The following PCSK2 variants were observed in gnomAD, a reference collection of about 807,000 sequenced individuals.
PCSK2 encodes the protein neuroendocrine convertase 2.
PCSK2 carries 14 observed loss-of-function variants against 69.7 expected under a neutral mutation model. The observed-to-expected ratio is 0.20, with a 90% CI of 0.13 to 0.31. PCSK2 has a LOEUF of 0.31. PCSK2 is among the 10% of genes least tolerant of loss of function. The pLI is 1.00. For missense variants in PCSK2, 544 were observed against 842.5 expected (o/e 0.65, Z 4.39); for synonymous variants, 307 against 320.7 (o/e 0.96, Z 0.46).
intron 8 of PCSK2, among the ~76,000 whole-genome samples, chr20:17,447,781 A>G (rs2032729642): frequency 6.6e-6 from 1 of 152,260 alleles, no homozygotes; most frequent in African/African-American, 2.4e-5. Context: ...TGGCTATTTC[A>G]TAAAACTAAT....
At chr20:17,251,035 G>A (rs765727671) in intron 1 of PCSK2, among the ~76,000 whole-genome samples, 1 of 152,076 alleles carries the variant, frequency 6.6e-6, no homozygotes, top group African/African-American at 2.4e-5. Context: ...AAGAGGCGAA[G>A]GTTGCAGTGA....
rs926141514 is a variant in PCSK2, at chr20:17,260,176, G to A, written c.178-64G>A. 1.8e-5 allele frequency: 18 copies of A among 1,000,590 alleles called. No homozygotes were observed. In the African/African-American group the frequency reaches 2.2e-4, roughly 12 times the overall value. The allele number at this position is 1,000,590 out of a possible 1,614,324, so 62.0% of individuals were successfully genotyped here. ...GCCCCTGCAAGCAGCCCCAGCTTTG[G>A]TGTCCCTGTCCCTGGGCCAACCCCA... On this transcript the variant is annotated intron_variant, in intron 1 of 11. Coordinates refer to ENST00000262545, the MANE Select transcript of PCSK2 (RefSeq NM_002594.5).
At chr20:17,243,429 G>A (rs1280659591) in intron 1 of PCSK2, among the ~76,000 whole-genome samples, 1 of 151,678 alleles carries the variant, frequency 6.6e-6, no homozygotes, top group Non-Finnish European at 1.5e-5. Context: ...CAAACTCCTG[G>A]GCTCAAATGA....
At chr20:17,268,967 AG>A (rs1422266492) in intron 2 of PCSK2, among the ~76,000 whole-genome samples, 17 of 152,208 alleles carry the variant, frequency 1.1e-4, no homozygotes, top group African/African-American at 4.1e-4. Flanking sequence ...AGAGGAAGTG[AG>A]AAGGCAAAGG....
rs529412507 is a variant in PCSK2 at position 17,413,078 on chromosome 20, C to A, written c.620+3739C>A. On this transcript the variant is annotated intron_variant, in intron 6 of 11. Coordinates refer to ENST00000262545, the MANE Select transcript of PCSK2 (RefSeq NM_002594.5). ...ACCAGTACCAGCCACTGCAAAAACACCCCAAATTGCAAAGACCATCAATGC... is the reference window on the plus strand; with the variant it reads ...ACCAGTACCAGCCACTGCAAAAACAACCCAAATTGCAAAGACCATCAATGC... 2.6e-5 allele frequency among the ~76,000 whole-genome samples: 4 copies of A among 152,258 alleles called. No homozygotes were observed. In the South Asian group the frequency reaches 6.2e-4, roughly 24 times the overall value.
intron 5 of PCSK2, among the ~76,000 whole-genome samples, chr20:17,390,826 C>G (rs536981795): frequency 2.0e-5 from 3 of 152,246 alleles, no homozygotes; most frequent in South Asian, 2.1e-4. Context: ...TCTATACAAC[C>G]CACTCACTTT....
At chr20:17,443,342 G>A (rs537318555) in intron 8 of PCSK2, among the ~76,000 whole-genome samples, 1 of 152,186 alleles carries the variant, frequency 6.6e-6, no homozygotes, top group Non-Finnish European at 1.5e-5. Flanking sequence ...AGGATCGGGT[G>A]GCAGGAAAGT....
At chr20:17,456,294 G>A in intron 9 of PCSK2, 54 bp from the exon 10 acceptor site, 1 of 911,210 alleles carries the variant, frequency 1.1e-6, no homozygotes, top group South Asian at 1.3e-5. Flanking sequence ...ACATTGTGCG[G>A]GGGTTCAAAA....
intron 2 of PCSK2, among the ~76,000 whole-genome samples, chr20:17,308,161 A>G (rs563012131): frequency 2.2e-4 from 33 of 152,318 alleles, no homozygotes; most frequent in Non-Finnish European, 2.4e-4. Flanking sequence ...AGATCTCACA[A>G]GAACTCATTC....
chr20:17,229,669 G>A (rs1478895524), intron 1 of PCSK2, among the ~76,000 whole-genome samples: 18 of 151,908 alleles, frequency 1.2e-4, no homozygotes, highest in Admixed American at 1.2e-3. Flanking sequence ...CTCTCAGGTA[G>A]TACCCCACAA....
intron 5 of PCSK2, among the ~76,000 whole-genome samples, chr20:17,381,359 G>A (rs999351726): frequency 2.0e-5 from 3 of 152,240 alleles, no homozygotes; most frequent in African/African-American, 7.2e-5. Flanking sequence ...CTGCTAGGCA[G>A]AAGAATAAGA....
rs201007464 is a variant in PCSK2, at chr20:17,347,964, A to G, written c.283-10363A>G. On this transcript the variant is annotated intron_variant, in intron 2 of 11. Transcript: ENST00000262545. ...AGAAAGAAAGAAAGAAAGAAAGAGA[A>G]AGAAAGAAAGAAAGAAAGAGGAGAG... Among the ~76,000 whole-genome samples the G allele has an allele frequency of 4.3e-3, 98 of 22,974 alleles. 10 individuals carry two copies. The highest frequency in any genetic ancestry group is 0.021 in the East Asian group (4 of 194). 15.1% of individuals were successfully genotyped at this position (22,974 alleles called of 152,430 possible). A position where few individuals can be genotyped will look rare whatever the true frequency, so the allele number is the denominator to read the frequency against.
chr20:17,285,977 C>CT, intron 2 of PCSK2, among the ~76,000 whole-genome samples: 1 of 152,206 alleles, frequency 6.6e-6, no homozygotes, highest in Non-Finnish European at 1.5e-5. Context: ...TTACCTTTAG[C>CT]TTTTTTCAGT....
chr20:17,312,136 C>T (rs967678108), intron 2 of PCSK2, among the ~76,000 whole-genome samples: 1 of 152,186 alleles, frequency 6.6e-6, no homozygotes, highest in African/African-American at 2.4e-5. Flanking sequence ...AGCAGCCTCA[C>T]ATTTTTCAGG....
chr20:17,328,427 A>G (rs1990123060), intron 2 of PCSK2, among the ~76,000 whole-genome samples: 1 of 148,822 alleles, frequency 6.7e-6, no homozygotes, highest in Non-Finnish European at 1.5e-5. Context: ...AAAATTATAC[A>G]TAATTTTATA....
chr20:17,270,003 G>A (rs190982155), intron 2 of PCSK2, among the ~76,000 whole-genome samples: 38 of 152,100 alleles, frequency 2.5e-4, no homozygotes, highest in Admixed American at 7.2e-4. Flanking sequence ...ATTTTTTCTA[G>A]GATATAATTT....
intron 8 of PCSK2, among the ~76,000 whole-genome samples, chr20:17,437,124 G>A (rs768168873): frequency 9.8e-6 from 1 of 101,654 alleles, no homozygotes; most frequent in African/African-American, 4.1e-5. Context: ...AACGACAGTG[G>A]GAAGGAAGGG....
At chr20:17,267,393 T>C (rs182847741) in intron 2 of PCSK2, among the ~76,000 whole-genome samples, 3 of 152,262 alleles carry the variant, frequency 2.0e-5, no homozygotes, top group Non-Finnish European at 4.4e-5. Context: ...GAGGTATGCA[T>C]AAGAAGCAGG....
chr20:17,253,327 C>T (rs1265948167), intron 1 of PCSK2, among the ~76,000 whole-genome samples: 1 of 152,120 alleles, frequency 6.6e-6, no homozygotes, highest in Non-Finnish European at 1.5e-5. Flanking sequence ...TTTTACCACC[C>T]TTAAAATAAA....
Sources: allele counts gnomAD v4.1 joint callset (sites outside exome capture counted in the v4.1 genomes callset), GRCh38; gene constraint gnomAD v4.1.1; transcripts MANE v1.5; gene names NCBI Gene and HGNC (gene_info 2026-07-23, HGNC 2026-07-21).